CDK14: variants seen among roughly 807,000 people sequenced by gnomAD.
CDK14 encodes the protein cyclin dependent kinase 14.
CDK14 carries 34 observed loss-of-function variants against 60.7 expected under a neutral mutation model. That is an observed-to-expected ratio of 0.56 (90% CI 0.43 to 0.75). The LOEUF (loss-of-function observed/expected upper bound fraction) is 0.75, where lower values mean the gene tolerates loss of function less well. Ranked by LOEUF, CDK14 falls within the 30% of genes least tolerant of loss-of-function variation. The pLI is 0.00. For missense variants in CDK14, 482 were observed against 564.1 expected (o/e 0.85, Z 1.47); for synonymous variants, 197 against 203.7 (o/e 0.97, Z 0.28).
intron 5 of CDK14, among the ~76,000 whole-genome samples, chr7:90,813,744 G>T (rs1228882631): frequency 6.6e-6 from 1 of 150,626 alleles, no homozygotes; most frequent in Non-Finnish European, 1.5e-5. Flanking sequence ...GCGAGACTCT[G>T]TCTCAAAAAA....
intron 6 of CDK14, among the ~76,000 whole-genome samples, chr7:90,868,672 T>C (rs558897868): frequency 1.3e-5 from 2 of 152,302 alleles, no homozygotes; most frequent in Admixed American, 1.3e-4. Flanking sequence ...CATAAAATGT[T>C]TTTATAGTGT....
intron 8 of CDK14, among the ~76,000 whole-genome samples, chr7:90,951,292 G>A (rs1165246668): frequency 6.6e-6 from 1 of 152,100 alleles, no homozygotes; most frequent in Non-Finnish European, 1.5e-5. Flanking sequence ...GGGGAGTAAG[G>A]TGTGTTGAGA....
intron 2 of CDK14, among the ~76,000 whole-genome samples, chr7:90,700,780 T>C (rs1801767555): frequency 1.3e-5 from 2 of 152,184 alleles, no homozygotes; most frequent in African/African-American, 2.4e-5. Context: ...TCTGAGGCCT[T>C]CTCAACTTGA....
intron 4 of CDK14, among the ~76,000 whole-genome samples, chr7:90,755,189 G>A (rs185087351): frequency 5.9e-4 from 90 of 152,250 alleles, no homozygotes; most frequent in Non-Finnish European, 1.1e-3. Context: ...CACTATTCAC[G>A]ATAGCAAAGC....
chr7:90,905,173 A>T (rs1334241072), intron 7 of CDK14, among the ~76,000 whole-genome samples: 1 of 152,206 alleles, frequency 6.6e-6, no homozygotes, highest in Non-Finnish European at 1.5e-5. Context: ...GAATCCAGGG[A>T]TGACAATTGT....
chr7:90,643,652 A>G (rs1331713730), intron 2 of CDK14, among the ~76,000 whole-genome samples: 1 of 152,134 alleles, frequency 6.6e-6, no homozygotes, highest in Non-Finnish European at 1.5e-5. Flanking sequence ...TTATAATAAT[A>G]CAGCGTGACG....
At chr7:90,712,118 T>C (rs1802085357) in intron 2 of CDK14, among the ~76,000 whole-genome samples, 1 of 152,018 alleles carries the variant, frequency 6.6e-6, no homozygotes, top group African/African-American at 2.4e-5. Flanking sequence ...TATGCTTTGA[T>C]ATTTTTTATT....
intron 2 of CDK14, among the ~76,000 whole-genome samples, chr7:90,694,252 T>C (rs1180190883): frequency 6.6e-6 from 1 of 152,142 alleles, no homozygotes; most frequent in African/African-American, 2.4e-5. Flanking sequence ...GAGGAAAAAG[T>C]AATGATTACA....
At chr7:90,622,486 C>T (rs1799792660) in intron 2 of CDK14, among the ~76,000 whole-genome samples, 3 of 152,176 alleles carry the variant, frequency 2.0e-5, no homozygotes, top group African/African-American at 4.8e-5. Flanking sequence ...TGCAATTGGG[C>T]ATAAAAGTTG....
At chr7:91,084,856 C>A (rs1381884701) in intron 12 of CDK14, among the ~76,000 whole-genome samples, 1 of 152,186 alleles carries the variant, frequency 6.6e-6, no homozygotes, top group Non-Finnish European at 1.5e-5. Context: ...TACGATGCGG[C>A]TAATACCTTC....
At chr7:91,091,223 CTATCTGTAAAAAATT>C (rs1029041176) in intron 12 of CDK14, among the ~76,000 whole-genome samples, 4 of 148,212 alleles carry the variant, frequency 2.7e-5, no homozygotes, top group Non-Finnish European at 3.0e-5. Context: ...TGACAAGACC[CTATCTGTAAAAAATT>C]TATCTGTAAA....
chr7:90,939,834 G>A (rs969024812), intron 8 of CDK14, among the ~76,000 whole-genome samples: 1 of 152,174 alleles, frequency 6.6e-6, no homozygotes, highest in African/African-American at 2.4e-5. Context: ...GCTTTGGAAG[G>A]CAACTTGGTT....
chr7:91,141,608 GA>G (rs11375419), intron 14 of CDK14, among the ~76,000 whole-genome samples: 1 of 150,694 alleles, frequency 6.6e-6, no homozygotes, highest in Non-Finnish European at 1.5e-5. Context: ...AGTAAGGTCA[GA>G]AAAAAAAAGA....
At chr7:90,693,115 A>C (rs555703051) in intron 2 of CDK14, among the ~76,000 whole-genome samples, 1 of 152,244 alleles carries the variant, frequency 6.6e-6, no homozygotes, top group South Asian at 2.1e-4. Flanking sequence ...AGTATTTCAG[A>C]TTTTATACAT....
Position 90,622,938 on chromosome 7 carries a change from T to TA in CDK14, c.123+18690dup, listed in dbSNP as rs1174058142. Among the ~76,000 whole-genome samples the TA allele has an allele frequency of 1.8e-3, 274 of 149,898 alleles. 13 individuals carry two copies. Among genetic ancestry groups the TA allele is most frequent in the Non-Finnish European group, 1.1e-3 (77 of 67,422 alleles). On this transcript the variant is annotated intron_variant, in intron 2 of 14. Transcript: ENST00000380050. ...CTTTTTTTTTCTTTTTTTTTTTTTT[T>TA]AGCACTCTGAGTTTTTGCTCCATCT...
chr7:90,621,381 T>C (rs1274018877), intron 2 of CDK14, among the ~76,000 whole-genome samples: 1 of 152,220 alleles, frequency 6.6e-6, no homozygotes, highest in Non-Finnish European at 1.5e-5. Context: ...CATCACAGTC[T>C]TGGGACCTGT....
At chr7:90,738,490 T>C (rs1413922906) in intron 3 of CDK14, among the ~76,000 whole-genome samples, 2 of 152,228 alleles carry the variant, frequency 1.3e-5, no homozygotes, top group African/African-American at 4.8e-5. Context: ...TCATTATCCA[T>C]GTCAGTGTTC....
At chr7:91,080,577 C>T (rs775160903) in intron 12 of CDK14, among the ~76,000 whole-genome samples, 1 of 152,180 alleles carries the variant, frequency 6.6e-6, no homozygotes, top group South Asian at 2.1e-4. Context: ...TGTGCATGCT[C>T]CTCTTCTCTG....
intron 14 of CDK14, among the ~76,000 whole-genome samples, chr7:91,135,911 A>G (rs1332778662): frequency 6.6e-6 from 1 of 152,146 alleles, no homozygotes; most frequent in Non-Finnish European, 1.5e-5. Context: ...GAGTCATACC[A>G]TCAAAGTGCT....
Sources: allele counts gnomAD v4.1 joint callset (sites outside exome capture counted in the v4.1 genomes callset), GRCh38; gene constraint gnomAD v4.1.1; transcripts MANE v1.5; gene names NCBI Gene and HGNC (gene_info 2026-07-23, HGNC 2026-07-21).